The following AGMO variants were observed in gnomAD, a reference collection of about 807,000 sequenced individuals.
AGMO encodes alkylglycerol monooxygenase.
AGMO carries 75 observed loss-of-function variants against 60.2 expected under a neutral mutation model. The observed-to-expected ratio is 1.25, with a 90% confidence interval of 1.03 to 1.51. The LOEUF (loss-of-function observed/expected upper bound fraction) is 1.51. AGMO is among the 40% of genes most tolerant of loss of function. AGMO has a pLI of 0.00. For synonymous variants in AGMO, 261 were observed against 177.1 expected (o/e 1.47, Z -3.76); for missense variants, 763 against 525.5 (o/e 1.45, Z -4.42).
intron 12 of AGMO, among the ~76,000 whole-genome samples, chr7:15,279,448 G>C (rs1419870565): frequency 1.3e-5 from 2 of 151,996 alleles, no homozygotes; most frequent in East Asian, 3.9e-4. Flanking sequence ...CAACCATCTT[G>C]AACTGGAATG....
intron 3 of AGMO, among the ~76,000 whole-genome samples, chr7:15,490,978 C>G (rs1353982961): frequency 1.3e-5 from 2 of 152,072 alleles, no homozygotes; most frequent in African/African-American, 4.8e-5. Context: ...TAATAATGTC[C>G]TCTATCACCA....
At chr7:15,304,742 G>A (rs1394914359) in intron 12 of AGMO, among the ~76,000 whole-genome samples, 1 of 152,018 alleles carries the variant, frequency 6.6e-6, no homozygotes, top group Non-Finnish European at 1.5e-5. Flanking sequence ...CATGAATGGA[G>A]ATGAAATTAC....
At chr7:15,166,528 T>C in the AGMO span, among the ~76,000 whole-genome samples, 2 of 152,062 alleles carry the variant, frequency 1.3e-5, no homozygotes, top group African/African-American at 4.8e-5. Context: ...TGCTGAGCTG[T>C]TTGTAGGTTT....
chr7:15,482,309 C>T (rs1480481637), intron 3 of AGMO, among the ~76,000 whole-genome samples: 1 of 151,852 alleles, frequency 6.6e-6, no homozygotes, highest in Admixed American at 6.6e-5. Flanking sequence ...TTACCTATAA[C>T]AGGAATAAAA....
chr7:15,142,135 C>A, the AGMO span, among the ~76,000 whole-genome samples: 18 of 152,192 alleles, frequency 1.2e-4, no homozygotes, highest in African/African-American at 4.1e-4. Context: ...TTATTCACAC[C>A]GCATTTTGCT....
intron 12 of AGMO, among the ~76,000 whole-genome samples, chr7:15,228,045 A>G (rs1782143281): frequency 6.6e-6 from 1 of 152,130 alleles, no homozygotes; most frequent in Admixed American, 6.6e-5. Context: ...TGCCTGATTC[A>G]TGAATTCTTA....
At chr7:15,196,643 C>CA (rs902347772), downstream of AGMO, among the ~76,000 whole-genome samples, 1 of 152,156 alleles carries the variant, frequency 6.6e-6, no homozygotes, top group African/African-American at 2.4e-5. Flanking sequence ...TTACTAAATT[C>CA]AGTGTTCCCA....
At chr7:15,472,383 T>C (rs911059382) in intron 3 of AGMO, among the ~76,000 whole-genome samples, 6 of 151,970 alleles carry the variant, frequency 3.9e-5, no homozygotes, top group African/African-American at 1.4e-4. Flanking sequence ...ATGTATGCAA[T>C]TAGCAAACTA....
chr7:15,394,680 G>A (rs949328100), intron 5 of AGMO, among the ~76,000 whole-genome samples: 1 of 152,072 alleles, frequency 6.6e-6, no homozygotes, highest in Non-Finnish European at 1.5e-5. Context: ...CTAGGAGAGT[G>A]AAAACAACTG....
At chr7:15,366,986 C>T (rs1281806649) in intron 10 of AGMO, among the ~76,000 whole-genome samples, 19 of 152,012 alleles carry the variant, frequency 1.2e-4, no homozygotes, top group Admixed American at 1.2e-3. Flanking sequence ...AGAGGAAAAG[C>T]AGATACTAGA....
chr7:15,344,661 G>A (rs1023454262), intron 12 of AGMO, among the ~76,000 whole-genome samples: 1 of 152,134 alleles, frequency 6.6e-6, no homozygotes, highest in African/African-American at 2.4e-5. Flanking sequence ...TGGTACCACT[G>A]CACTCCAGCC....
intron 10 of AGMO, among the ~76,000 whole-genome samples, chr7:15,371,505 C>T (rs1439053086): frequency 6.6e-6 from 1 of 152,180 alleles, no homozygotes; most frequent in Non-Finnish European, 1.5e-5. Flanking sequence ...ATTCACCTGC[C>T]TCAGCCTCCC....
intron 12 of AGMO, among the ~76,000 whole-genome samples, chr7:15,227,176 T>C (rs774227782): frequency 2.0e-5 from 3 of 152,048 alleles, no homozygotes; most frequent in Admixed American, 1.3e-4. Flanking sequence ...CAACTTAACT[T>C]AGTACGTAAC....
rs1035230234 is a variant in AGMO at position 15,394,177 on chromosome 7, G to A, written c.612C>T (p.Val204=). 1.5e-5 allele frequency: 24 copies of A among 1,601,616 alleles called. No individual in the cohort carries two copies. In the East Asian group the frequency reaches 4.9e-4, roughly 33 times the overall value. The change falls in exon 6 of 13, where the codon GTC becomes GTT. Residue 204 remains valine (V), a splice_region_variant and synonymous_variant. Transcript: ENST00000342526. The stretch of plus-strand genomic sequence containing the variant: ...GTTCCAAAGGACCAAGGTTATTGAT[G>A]ACCTGTTTAAAACAGAAGGAATATT... ...LLYQFWIHTE[V]INNLGPLELI...
rs942746165 is a variant in AGMO at position 15,300,346 on chromosome 7, G to C, written c.1263+65168C>G. On this transcript the variant is annotated intron_variant, in intron 12 of 12. Coordinates refer to ENST00000342526, the MANE Select transcript of AGMO (RefSeq NM_001004320.2). ...AACATAGAGTCCAGATTGATGGTTT[G>C]GCAGCTTAACCAAATTTGGGTATGT... is the stretch of plus-strand genomic sequence containing the variant. Among the ~76,000 whole-genome samples the C allele has an allele frequency of 2.8e-4, 42 of 152,234 alleles. No homozygotes were observed. In the East Asian group the frequency reaches 7.2e-3, roughly 26 times the overall value.
At chr7:15,172,076 T>C in the AGMO span, among the ~76,000 whole-genome samples, 1 of 152,152 alleles carries the variant, frequency 6.6e-6, no homozygotes, top group Non-Finnish European at 1.5e-5. Context: ...CATGCTAGAA[T>C]GTTTTGTTCA....
chr7:15,182,299 G>A, the AGMO span, among the ~76,000 whole-genome samples: 6 of 152,096 alleles, frequency 3.9e-5, no homozygotes, highest in Non-Finnish European at 5.9e-5. Flanking sequence ...ACACAACAAC[G>A]TAAATACATT....
chr7:15,467,097 T>C (rs1221981533), intron 3 of AGMO, among the ~76,000 whole-genome samples: 2 of 152,134 alleles, frequency 1.3e-5, no homozygotes, highest in Non-Finnish European at 2.9e-5. Flanking sequence ...TTTAAAAATA[T>C]ATAACAAAGA....
At position 15,532,727 on chromosome 7, in the gene AGMO, A is replaced by T. The variant is rs1450018586; in HGVS notation, c.409+12045T>A. Reference sequence around the variant, plus strand: ...CTTCCTAGGCTGGGTGCGGTGGTTCATGCCTATAATCTCAGCACTTTGGGA... The same window carrying T: ...CTTCCTAGGCTGGGTGCGGTGGTTCTTGCCTATAATCTCAGCACTTTGGGA... On this transcript the variant is annotated intron_variant, in intron 3 of 12. Transcript: ENST00000342526. Among the ~76,000 whole-genome samples, 6 of 152,178 alleles carry T rather than the reference A, an allele frequency of 3.9e-5. No individual in the cohort carries two copies. The East Asian group carries it at 1.2e-3, about 29-fold the overall frequency.
Sources: allele counts gnomAD v4.1 joint callset (sites outside exome capture counted in the v4.1 genomes callset), GRCh38; gene constraint gnomAD v4.1.1; transcripts MANE v1.5; gene names NCBI Gene and HGNC (gene_info 2026-07-23, HGNC 2026-07-21).